The following CTNNA3 variants were observed in gnomAD, a reference collection of about 807,000 sequenced individuals.
CTNNA3 encodes catenin alpha-3.
In CTNNA3, 76 loss-of-function variants were observed where a neutral mutation model predicts 95.7. That is an observed-to-expected ratio of 0.79 (90% CI 0.66 to 0.96). The LOEUF (loss-of-function observed/expected upper bound fraction) is 0.96. CTNNA3 is among the 40% of genes least tolerant of loss of function. The probability of loss-of-function intolerance (pLI) is 0.00; values close to 1 mark genes in which losing one functional copy is unlikely to be tolerated. For missense variants in CTNNA3, 1,191 were observed against 1,089.8 expected (o/e 1.09, Z -1.31); for synonymous variants, 431 against 374.4 (o/e 1.15, Z -1.74).
chr10:66,462,300 AT>A (rs1210197846), intron 11 of CTNNA3, among the ~76,000 whole-genome samples: 1 of 152,096 alleles, frequency 6.6e-6, no homozygotes, highest in Non-Finnish European at 1.5e-5. Flanking sequence ...ATTCAATATC[AT>A]GTTACACAAT....
chr10:66,626,879 TC>T (rs1469905009), intron 9 of CTNNA3, among the ~76,000 whole-genome samples: 1 of 151,990 alleles, frequency 6.6e-6, no homozygotes, highest in Admixed American at 6.6e-5. Flanking sequence ...TTAAAAGTTC[TC>T]CCAGGTGATT....
chr10:67,593,372 G>T (rs750702661), intron 3 of CTNNA3, among the ~76,000 whole-genome samples: 1 of 152,060 alleles, frequency 6.6e-6, no homozygotes, highest in East Asian at 1.9e-4. Context: ...TAACAATATT[G>T]ATTCTTCTGA....
intron 13 of CTNNA3, among the ~76,000 whole-genome samples, chr10:66,140,860 T>C (rs930515383): frequency 6.6e-6 from 1 of 152,246 alleles, no homozygotes; most frequent in Non-Finnish European, 1.5e-5. Flanking sequence ...TGCTTCTTTA[T>C]GTTTTTATTT....
intron 11 of CTNNA3, among the ~76,000 whole-genome samples, chr10:66,390,832 T>TGAGAATACA (rs2092928301): frequency 6.6e-6 from 1 of 152,162 alleles, no homozygotes; most frequent in Admixed American, 6.6e-5. Flanking sequence ...AAAACTAGCT[T>TGAGAATACA]GAGAATACAG....
chr10:66,349,864 C>G (rs2092553634), intron 12 of CTNNA3, among the ~76,000 whole-genome samples: 1 of 152,054 alleles, frequency 6.6e-6, no homozygotes, highest in African/African-American at 2.4e-5. Flanking sequence ...TCATCATTTA[C>G]TCTTCAGAAT....
chr10:67,755,453 T>C (rs954656549), intron 1 of CTNNA3, among the ~76,000 whole-genome samples: 4 of 151,918 alleles, frequency 2.6e-5, no homozygotes, highest in Admixed American at 1.3e-4. Context: ...CTCAAAAGAC[T>C]AAAAATAGAA....
At chr10:66,845,977 A>G (rs1354514127) in intron 7 of CTNNA3, among the ~76,000 whole-genome samples, 1 of 151,534 alleles carries the variant, frequency 6.6e-6, no homozygotes, top group Non-Finnish European at 1.5e-5. Context: ...CTAAAAATAC[A>G]CAAATTTAGC....
chr10:66,048,254 C>T (rs1450432243), intron 15 of CTNNA3, among the ~76,000 whole-genome samples: 1 of 152,162 alleles, frequency 6.6e-6, no homozygotes, highest in East Asian at 1.9e-4. Context: ...ATCAAAAATG[C>T]ATGGTACTGG....
At chr10:66,116,817 A>C (rs988241522) in intron 13 of CTNNA3, among the ~76,000 whole-genome samples, 3 of 152,118 alleles carry the variant, frequency 2.0e-5, no homozygotes, top group Admixed American at 2.0e-4. Context: ...CTTCACATGG[A>C]GCAGGAGAGA....
At chr10:67,614,003 G>C (rs189539893) in intron 2 of CTNNA3, among the ~76,000 whole-genome samples, 1 of 152,132 alleles carries the variant, frequency 6.6e-6, no homozygotes, top group East Asian at 1.9e-4. Flanking sequence ...GTGAGCAGTA[G>C]CAAGATTTAT....
chr10:66,833,263 G>C (rs1842783805), intron 7 of CTNNA3, among the ~76,000 whole-genome samples: 1 of 152,174 alleles, frequency 6.6e-6, no homozygotes, highest in African/African-American at 2.4e-5. Context: ...CTGCTAGCCA[G>C]TCTGCCAGGA....
intron 12 of CTNNA3, among the ~76,000 whole-genome samples, chr10:66,308,900 A>G (rs2091966935): frequency 6.6e-6 from 1 of 152,206 alleles, no homozygotes; most frequent in Non-Finnish European, 1.5e-5. Flanking sequence ...TGAAGTTGAC[A>G]TATGCTCTTC....
chr10:66,341,892 C>A (rs2092456861), intron 12 of CTNNA3, among the ~76,000 whole-genome samples: 1 of 151,498 alleles, frequency 6.6e-6, no homozygotes, highest in African/African-American at 2.4e-5. Context: ...AGAAAGTCTT[C>A]AGAAACCACA....
intron 13 of CTNNA3, among the ~76,000 whole-genome samples, chr10:66,172,007 G>A (rs78816180): frequency 0.03 from 4,618 of 152,204 alleles, 245 homozygotes; most frequent in African/African-American, 0.11. Context: ...AAATCAGGTG[G>A]CAAAGAGCAA....
intron 5 of CTNNA3, among the ~76,000 whole-genome samples, chr10:67,432,654 C>T (rs954245741): frequency 3.3e-5 from 5 of 151,998 alleles, no homozygotes; most frequent in African/African-American, 1.2e-4. Context: ...ATTTAGATCC[C>T]AACCAGATCA....
Position 66,775,436 on chromosome 10 carries a change from T to G in CTNNA3, c.1128+8A>C, listed in dbSNP as rs1407971045. The G allele has an allele frequency of 2.5e-6, 4 of 1,595,468 alleles. No homozygotes were observed. Among genetic ancestry groups the G allele is most frequent in the Non-Finnish European group, 3.4e-6 (4 of 1,165,338 alleles). ...TGTTTCTGACTCCATATCTCTCTCT[T>G]CCCTCACCTGTCTGCGAAGGTCTCT... On this transcript the variant is annotated splice_region_variant and intron_variant, in intron 8 of 17. Coordinates refer to ENST00000433211, the MANE Select transcript of CTNNA3 (RefSeq NM_013266.4).
At chr10:67,664,044 A>G (rs1250857205) in intron 1 of CTNNA3, among the ~76,000 whole-genome samples, 1 of 152,244 alleles carries the variant, frequency 6.6e-6, no homozygotes, top group Non-Finnish European at 1.5e-5. Context: ...TTGAAATTCA[A>G]GTTAAATTTA....
chr10:66,010,202 G>A (rs10822692), intron 15 of CTNNA3, among the ~76,000 whole-genome samples: 70,247 of 151,942 alleles, frequency 0.46, 16,564 homozygotes, highest in East Asian at 0.64. Context: ...TATCATCTAC[G>A]ATGTAGCCTC....
chr10:66,047,480 C>G (rs2079853019), intron 15 of CTNNA3, among the ~76,000 whole-genome samples: 1 of 152,152 alleles, frequency 6.6e-6, no homozygotes, highest in African/African-American at 2.4e-5. Context: ...GAACCTACCT[C>G]AAAATAATAA....
Sources: allele counts gnomAD v4.1 joint callset (sites outside exome capture counted in the v4.1 genomes callset), GRCh38; gene constraint gnomAD v4.1.1; transcripts MANE v1.5; gene names NCBI Gene and HGNC (gene_info 2026-07-23, HGNC 2026-07-21).